Variants in TBC1D19 observed in about 807,000 individuals in gnomAD.
TBC1D19 encodes TBC1 domain family, member 19.
Under a neutral mutation model 89.0 loss-of-function variants are expected in TBC1D19, and 60 were observed. The observed-to-expected ratio is 0.67, with a 90% CI of 0.55 to 0.84. The LOEUF is 0.84. TBC1D19 is among the 40% of genes least tolerant of loss of function. The pLI, the probability that TBC1D19 is intolerant of heterozygous loss-of-function variation, is 0.00. For synonymous variants in TBC1D19, 189 were observed against 199.7 expected (o/e 0.95, Z 0.45); for missense variants, 500 against 610.8 (o/e 0.82, Z 1.91).
chr4:26,620,987 G>A (rs1382132522), intron 4 of TBC1D19, among the ~76,000 whole-genome samples: 1 of 152,046 alleles, frequency 6.6e-6, no homozygotes, highest in Non-Finnish European at 1.5e-5. Context: ...ATTCTTCATG[G>A]CCTGTGATAT....
chr4:26,593,087 T>C (rs1007084479), intron 1 of TBC1D19, among the ~76,000 whole-genome samples: 1 of 152,202 alleles, frequency 6.6e-6, no homozygotes, highest in African/African-American at 2.4e-5. Context: ...GACTTCAAAC[T>C]ATACTACAAG....
chr4:26,746,369 CT>C (rs1171550500), intron 18 of TBC1D19, among the ~76,000 whole-genome samples: 5 of 151,890 alleles, frequency 3.3e-5, no homozygotes, highest in Non-Finnish European at 7.4e-5. Context: ...ACACACAGCC[CT>C]TCACTTTTTC....
chr4:26,658,032 G>C (rs1181386770), intron 7 of TBC1D19, among the ~76,000 whole-genome samples: 2 of 152,054 alleles, frequency 1.3e-5, no homozygotes, highest in East Asian at 3.9e-4. Context: ...CCATTCTGTA[G>C]GTTGCCTGTT....
chr4:26,842,972 G>A, the TBC1D19 span, among the ~76,000 whole-genome samples: 1 of 152,140 alleles, frequency 6.6e-6, no homozygotes, highest in Admixed American at 6.5e-5. Flanking sequence ...TTAGGAAAAG[G>A]CTCTTGGAGG....
intron 19 of TBC1D19, among the ~76,000 whole-genome samples, chr4:26,752,247 T>TC (rs1168453808): frequency 2.0e-5 from 3 of 149,068 alleles, no homozygotes; most frequent in African/African-American, 7.4e-5. Context: ...TTCTTTCTTT[T>TC]TTTTTTTTTT....
intron 13 of TBC1D19, among the ~76,000 whole-genome samples, chr4:26,713,975 G>A (rs28583070): frequency 0.032 from 4,864 of 152,116 alleles, 255 homozygotes; most frequent in African/African-American, 0.11. Flanking sequence ...GAAAATGAAT[G>A]TTCATATATT....
At chr4:26,728,227 C>G (rs1290465009) in intron 15 of TBC1D19, among the ~76,000 whole-genome samples, 1 of 152,166 alleles carries the variant, frequency 6.6e-6, no homozygotes, top group Non-Finnish European at 1.5e-5. Flanking sequence ...AGTGCAGTGG[C>G]TTAAAAGAGG....
chr4:26,834,033 T>C, the TBC1D19 span, among the ~76,000 whole-genome samples: 33 of 152,286 alleles, frequency 2.2e-4, no homozygotes, highest in East Asian at 6.4e-3. Context: ...GTTGTTCTCG[T>C]GATAGTCAGT....
intron 13 of TBC1D19, among the ~76,000 whole-genome samples, chr4:26,689,908 A>T (rs1714124516): frequency 6.6e-6 from 1 of 152,250 alleles, no homozygotes; most frequent in Non-Finnish European, 1.5e-5. Context: ...ATCAAAAGCT[A>T]GAAATGATTA....
chr4:26,846,393 G>A, the TBC1D19 span, among the ~76,000 whole-genome samples: 2 of 152,034 alleles, frequency 1.3e-5, no homozygotes, highest in Non-Finnish European at 2.9e-5. Flanking sequence ...TCAACTACTT[G>A]TATTTATACT....
chr4:26,717,862 G>A, intron 13 of TBC1D19, 71 bp from the exon 14 acceptor site: 1 of 1,274,412 alleles, frequency 7.8e-7, no homozygotes, highest in Non-Finnish European at 1.1e-6. Flanking sequence ...TGCCTCCTGA[G>A]TAGGAAATAA....
chr4:26,649,330 T>C (rs971779907), intron 7 of TBC1D19, among the ~76,000 whole-genome samples: 1 of 152,174 alleles, frequency 6.6e-6, no homozygotes, highest in Admixed American at 6.6e-5. Flanking sequence ...TTCTTTTTTT[T>C]CCCAATACCC....
intron 16 of TBC1D19, among the ~76,000 whole-genome samples, chr4:26,736,363 G>A (rs1718044183): frequency 6.9e-6 from 1 of 144,756 alleles, no homozygotes; most frequent in African/African-American, 2.6e-5. Context: ...ATGGACACAG[G>A]AAGGGGAACA....
At chr4:26,615,239 G>C (rs1245948337) in intron 3 of TBC1D19, among the ~76,000 whole-genome samples, 1 of 151,898 alleles carries the variant, frequency 6.6e-6, no homozygotes, top group African/African-American at 2.4e-5. Context: ...GTCTATTAAG[G>C]TGTATAGAAC....
At chr4:26,838,489 T>A in the TBC1D19 span, among the ~76,000 whole-genome samples, 2 of 151,074 alleles carry the variant, frequency 1.3e-5, no homozygotes, top group Admixed American at 6.6e-5. Context: ...TTTCTCCCTT[T>A]AAAAAAAAAG....
At chr4:26,622,248 A>G (rs925145040) in intron 4 of TBC1D19, among the ~76,000 whole-genome samples, 3 of 152,112 alleles carry the variant, frequency 2.0e-5, no homozygotes, top group Non-Finnish European at 4.4e-5. Flanking sequence ...GTATAATAAT[A>G]ATAATAATAA....
intron 13 of TBC1D19, among the ~76,000 whole-genome samples, chr4:26,697,875 G>A (rs908975641): frequency 4.6e-5 from 7 of 152,046 alleles, no homozygotes; most frequent in African/African-American, 9.7e-5. Flanking sequence ...AATAATAAGC[G>A]CTATCTATGA....
At chr4:26,640,295 A>T in intron 7 of TBC1D19, 108 bp downstream of exon 7, 1 of 845,950 alleles carries the variant, frequency 1.2e-6, no homozygotes, top group Non-Finnish European at 1.9e-6. Flanking sequence ...AAAGCCCCAG[A>T]GTCACTGAAG....
At chr4:26,764,746 G>A in the TBC1D19 span, among the ~76,000 whole-genome samples, 1 of 152,088 alleles carries the variant, frequency 6.6e-6, no homozygotes, top group African/African-American at 2.4e-5. Flanking sequence ...AGGTAAGGAG[G>A]GTTTGGTGAT....
Sources: allele counts gnomAD v4.1 joint callset (sites outside exome capture counted in the v4.1 genomes callset), GRCh38; gene constraint gnomAD v4.1.1; transcripts MANE v1.5; gene names NCBI Gene and HGNC (gene_info 2026-07-23, HGNC 2026-07-21).